Variants in KIF17 observed in about 807,000 individuals in gnomAD.
The protein encoded by KIF17 is kinesin family member 17, also known as kinesin-like protein KIF17.
Under a neutral mutation model 96.8 loss-of-function variants are expected in KIF17, and 80 were observed. That is an observed-to-expected ratio of 0.83 (90% confidence interval 0.69 to 1.00). KIF17 has a LOEUF of 1.00. KIF17 is among the 50% of genes least tolerant of loss of function. The probability of loss-of-function intolerance (pLI) is 0.00; values close to 1 mark genes in which losing one functional copy is unlikely to be tolerated. For missense variants in KIF17, 1,280 were observed against 1,372.9 expected (o/e 0.93, Z 1.07); for synonymous variants, 567 against 587.5 (o/e 0.97, Z 0.51).
rs1336586069 is a variant in KIF17, at chr1:20,684,863, G to A, written c.2177C>T (p.Ala726Val). 6.3e-7 allele frequency: 1 copy of A among 1,597,584 alleles called. No homozygotes were observed. Among genetic ancestry groups the A allele is most frequent in the African/African-American group, 1.3e-5 (1 of 74,638 alleles). ...GGGCAGCGGGTCATCAGTCAGCACT[G>A]CCACCTCCATGCCCACGCTCTCCCT... Reference protein sequence around the residue: ...VKRESVGMEVAVLTDDPLPVV... With the variant: ...VKRESVGMEVVVLTDDPLPVV... Residue 726 changes from alanine to valine, a missense_variant, in exon 10 of 15, where the codon GCA becomes GTA. Coordinates refer to ENST00000400463, the MANE Select transcript of KIF17 (RefSeq NM_001122819.3).
chr1:20,687,106 C>G lies in KIF17; in HGVS notation c.1938+282G>C, dbSNP rs542072738. ...TGGGCAAACGCCCTGTACAGCTGTC[C>G]CTCCATCTGCAGAACGGGAGCCCAC... On this transcript the variant is annotated intron_variant, in intron 8 of 14. Transcript: ENST00000400463. The surrounding 1 kb of genome is among the most constrained non-coding windows in gnomAD (Gnocchi z 4.4). Among the ~76,000 whole-genome samples, 1 of 152,162 alleles carries G rather than the reference C, an allele frequency of 6.6e-6. No homozygotes were observed. Among genetic ancestry groups the G allele is most frequent in the Non-Finnish European group, 1.5e-5 (1 of 68,040 alleles).
chr1:20,717,445 G>A (rs779852204), intron 1 of KIF17, 31 bp downstream of exon 1: 32 of 1,607,212 alleles, frequency 2.0e-5, no homozygotes, highest in Middle Eastern at 1.6e-4. Flanking sequence ...ATGCCCTGCC[G>A]CCTGCAGGGC....
chr1:20,697,048 G>A (rs1448029951), intron 6 of KIF17, among the ~76,000 whole-genome samples: 1 of 152,208 alleles, frequency 6.6e-6, no homozygotes, highest in African/African-American at 2.4e-5. Context: ...CGCCCGTCAC[G>A]TGCAGCGCCC....
rs1393192950 is a variant in KIF17 at position 20,685,615 on chromosome 1, A to G, written c.2019+431T>C. On this transcript the variant is annotated intron_variant, in intron 9 of 14. Coordinates refer to ENST00000400463, the MANE Select transcript of KIF17 (RefSeq NM_001122819.3). The surrounding 1 kb of genome is among the most constrained non-coding windows in gnomAD (Gnocchi z 4.1). ...GCTGCAGGCCCGGTGCCCAGCCCAC[A>G]CTTGAGTCCAAACTGTCTTCTTCCT... Among the ~76,000 whole-genome samples the G allele has an allele frequency of 6.6e-6, 1 of 151,982 alleles. No homozygotes were observed. The highest frequency in any genetic ancestry group is 1.5e-5 in the Non-Finnish European group (1 of 68,012).
At chr1:20,717,304 C>T (rs2054594997) in intron 1 of KIF17, 172 bp downstream of exon 1, 4 of 672,512 alleles carry the variant, frequency 5.9e-6, no homozygotes, top group East Asian at 2.8e-5. Context: ...ACATTAGAGG[C>T]AGGCTCTGGT....
At chr1:20,663,185 T>G (rs1377513241), downstream of KIF17, among the ~76,000 whole-genome samples, 1 of 152,122 alleles carries the variant, frequency 6.6e-6, no homozygotes, top group Non-Finnish European at 1.5e-5. Flanking sequence ...GATTGCCCGC[T>G]GCTGCACTCC....
At chr1:20,673,624 G>C (rs1039802631) in intron 11 of KIF17, among the ~76,000 whole-genome samples, 2 of 150,794 alleles carry the variant, frequency 1.3e-5, no homozygotes, top group Middle Eastern at 3.5e-3. Flanking sequence ...TCTGACTCCA[G>C]GGTTTGAGCG....
At chr1:20,673,297 TGGCAGGACATGGGTG>T (rs2053680113) in intron 11 of KIF17, among the ~76,000 whole-genome samples, 1 of 152,150 alleles carries the variant, frequency 6.6e-6, no homozygotes, top group Non-Finnish European at 1.5e-5. Flanking sequence ...TGAGAACAGC[TGGCAGGACATGGGTG>T]GGCAGGACAG....
At position 20,684,909 on chromosome 1, in the gene KIF17, G is replaced by T. The variant is rs773357079; in HGVS notation, c.2131C>A (p.Pro711Thr). The T allele has an allele frequency of 1.1e-5, 18 of 1,595,218 alleles. No homozygotes were observed. The South Asian group carries it at 1.9e-4, about 17-fold the overall frequency. The part of the protein sequence containing the change: ...VALVAQPEPL[P>T]ATAGVKRESV... Reference sequence around the variant, plus strand: ...TCCCTCTTCACACCAGCTGTGGCCGGCAGGGGCTCAGGCTGAGCCACCAGG... The same window carrying T: ...TCCCTCTTCACACCAGCTGTGGCCGTCAGGGGCTCAGGCTGAGCCACCAGG... Residue 711 changes from proline to threonine, a missense_variant, in exon 10 of 15, where the codon CCG (proline) becomes ACG (threonine). Pro to Thr is a conservative substitution (Grantham distance 38). Coordinates refer to ENST00000400463, the MANE Select transcript of KIF17 (RefSeq NM_001122819.3).
chr1:20,697,297 G>A (rs1364785422), intron 6 of KIF17, among the ~76,000 whole-genome samples: 3 of 152,188 alleles, frequency 2.0e-5, no homozygotes, highest in Non-Finnish European at 4.4e-5. Flanking sequence ...TTCACATCAG[G>A]AAAAGCCAGG....
At chr1:20,686,812 C>T (rs1056829130) in intron 8 of KIF17, among the ~76,000 whole-genome samples, 1 of 152,212 alleles carries the variant, frequency 6.6e-6, no homozygotes, top group Non-Finnish European at 1.5e-5. Context: ...CCACCCACCT[C>T]GGTCTCCCAA....
chr1:20,670,327 G>A, intron 13 of KIF17, 94 bp downstream of exon 13: 1 of 1,268,302 alleles, frequency 7.9e-7, no homozygotes, highest in Admixed American at 1.7e-5. Context: ...GAGGAAAGTG[G>A]AAAACCAGCT....
At chr1:20,679,694 T>C (rs6426642) in intron 11 of KIF17, among the ~76,000 whole-genome samples, 101,854 of 151,820 alleles carry the variant, frequency 0.67, 35,318 homozygotes, top group Non-Finnish European at 0.76. Flanking sequence ...TGACCCACAG[T>C]CGACAGTCAG....
Position 20,717,528 on chromosome 1 carries a change from A to C in KIF17, c.179T>G (p.Val60Gly), listed in dbSNP as rs1328875785. 1 of 1,611,340 alleles carries C rather than the reference A, an allele frequency of 6.2e-7. No individual in the cohort carries two copies. Reference protein sequence around the residue: ...KQFTFDGAYHVDHVTEQIYNE... With the variant: ...KQFTFDGAYHGDHVTEQIYNE... ...GTAGATCTGCTCGGTGACGTGGTCCACGTGGTAGGCGCCGTCGAAGGTGAA... is the reference window on the plus strand; with the variant it reads ...GTAGATCTGCTCGGTGACGTGGTCCCCGTGGTAGGCGCCGTCGAAGGTGAA... Residue 60 changes from valine to glycine, a missense_variant, in exon 1 of 15, where the codon GTG becomes GGG. By Grantham distance (109) the Val-to-Gly change is moderately radical (BLOSUM62 -3). Coordinates refer to ENST00000400463, the MANE Select transcript of KIF17 (RefSeq NM_001122819.3).
chr1:20,684,870 C>T lies in KIF17; in HGVS notation c.2170G>A (p.Glu724Lys). Residue 724 changes from glutamate to lysine, a missense_variant, in exon 10 of 15, where the codon GAG becomes AAG. Physicochemically the swap from Glu to Lys is moderately conservative, Grantham distance 56. Transcript: ENST00000400463. ...AGVKRESVGMEVAVLTDDPLP... is the reference protein window; with the variant it reads ...AGVKRESVGMKVAVLTDDPLP... ...GGGTCATCAGTCAGCACTGCCACCT[C>T]CATGCCCACGCTCTCCCTCTTCACA... 1 of 1,598,344 alleles carries T rather than the reference C, an allele frequency of 6.3e-7. No individual in the cohort carries two copies. Among genetic ancestry groups the T allele is most frequent in the Non-Finnish European group, 8.5e-7 (1 of 1,172,650 alleles).
downstream of KIF17, among the ~76,000 whole-genome samples, chr1:20,663,281 C>CG (rs1465338138): frequency 6.6e-6 from 1 of 152,152 alleles, no homozygotes; most frequent in African/African-American, 2.4e-5. Context: ...TGACTCAGGA[C>CG]GTACTGCTGC....
chr1:20,662,637 T>C (rs2053456648), downstream of KIF17, among the ~76,000 whole-genome samples: 3 of 152,152 alleles, frequency 2.0e-5, no homozygotes, highest in African/African-American at 2.4e-5. Context: ...TGTTAAACTG[T>C]TAAGAGTCGG....
At position 20,693,233 on chromosome 1, in the gene KIF17, A is replaced by C. The variant is rs980113463; in HGVS notation, c.1234-2898T>G. The C allele has an allele frequency of 2.1e-5, 3 of 145,994 alleles. No homozygotes were observed. The East Asian group carries it at 6.2e-4, about 30-fold the overall frequency. The allele number at this position is 145,994 out of a possible 1,614,324, so 9.0% of individuals were successfully genotyped here. On this transcript the variant is annotated intron_variant, in intron 6 of 14. Coordinates refer to ENST00000400463, the MANE Select transcript of KIF17 (RefSeq NM_001122819.3). The stretch of plus-strand genomic sequence containing the variant: ...TCACTAACTGTTTCCTCCTTGGATG[A>C]TTACGTCCTCATCTTTTTTTTTTTT...
Position 20,704,328 on chromosome 1 carries a change from G to A in KIF17, c.1123+119C>T. 1.2e-6 allele frequency: 1 copy of A among 823,330 alleles called. No individual in the cohort carries two copies. Among genetic ancestry groups the A allele is most frequent in the African/African-American group, 1.7e-5 (1 of 59,510 alleles). The allele number at this position is 823,330 out of a possible 1,614,324, so 51.0% of individuals were successfully genotyped here. A position where few individuals can be genotyped will look rare whatever the true frequency, so the allele number is the denominator to read the frequency against. The stretch of plus-strand genomic sequence containing the variant: ...GCCCTGCGCTCACATGGGGCTGAGG[G>A]GTGGGAGGATGCTGCTCCCACTGTC... On this transcript the variant is annotated intron_variant, in intron 5 of 14. Coordinates refer to ENST00000400463, the MANE Select transcript of KIF17 (RefSeq NM_001122819.3). The surrounding 1 kb of genome is among the most constrained non-coding windows in gnomAD (Gnocchi z 6.8).
Sources: gnomAD v4.1 joint callset for allele counts (sites outside exome capture counted in the v4.1 genomes callset) on GRCh38, gnomAD v4.1.1 for gene constraint, Gnocchi (gnomAD v3.1) non-coding constraint, MANE v1.5 for transcripts, NCBI Gene and HGNC (gene_info 2026-07-23, HGNC 2026-07-21) for gene names.